ITIH3: variants seen among roughly 807,000 people sequenced by gnomAD.
ITIH3 encodes inter-alpha-trypsin inhibitor heavy chain 3.
A neutral mutation model predicts 96.5 loss-of-function variants in ITIH3; 81 were observed. The observed-to-expected ratio is 0.84, with a 90% CI of 0.70 to 1.01. ITIH3 has a LOEUF of 1.01. Ranked by LOEUF, ITIH3 falls within the 50% of genes least tolerant of loss-of-function variation. ITIH3 has a pLI of 0.00. For missense variants in ITIH3, 1,057 were observed against 1,139.3 expected, an observed-to-expected ratio of 0.93 and a Z score of 1.04; for synonymous variants, 422 against 445.2, an observed-to-expected ratio of 0.95 and a Z score of 0.66.
At chr3:52,804,866 C>A in intron 15 of ITIH3, 132 bp downstream of exon 15, 1 of 975,564 alleles carries the variant, frequency 1.0e-6, no homozygotes. Context: ...CAGGCCCAGC[C>A]CTATTGCCAA....
intron 2 of ITIH3, 147 bp downstream of exon 2, chr3:52,795,770 C>T (rs1284639083): frequency 5.6e-6 from 4 of 713,522 alleles, no homozygotes; most frequent in African/African-American, 1.8e-5. Flanking sequence ...CCTCCAACAG[C>T]GCAGGACTCC....
chr3:52,799,677 G>A, intron 8 of ITIH3, 76 bp from the exon 9 acceptor site: 1 of 1,439,980 alleles, frequency 6.9e-7, no homozygotes, highest in Admixed American at 2.1e-5. Flanking sequence ...GATGGCGTGG[G>A]CTGCACCGCC....
chr3:52,797,787 A>T, intron 5 of ITIH3, 30 bp from the exon 6 acceptor site: 1 of 1,432,956 alleles, frequency 7.0e-7, no homozygotes, highest in African/African-American at 1.4e-5. Flanking sequence ...GAGGTCACTG[A>T]GTGACATTTC....
intron 19 of ITIH3, 110 bp from the exon 20 acceptor site, chr3:52,807,636 TG>T: frequency 1.0e-6 from 1 of 957,026 alleles, no homozygotes; most frequent in Non-Finnish European, 1.6e-6. Context: ...CTGGAGTCTG[TG>T]GGCCCTCGGG....
chr3:52,806,911 T>C lies in ITIH3; in HGVS notation c.2067T>C (p.Val689=). 6.3e-7 allele frequency: 1 copy of C among 1,584,664 alleles called. No homozygotes were observed. Among genetic ancestry groups the C allele is most frequent in the Non-Finnish European group, 8.6e-7 (1 of 1,165,306 alleles). ...LIQDAVTGLT[V]NGQITGDKRG... ...CCATCCCTCTGGCAGGCCTCACAGT[T>C]AATGGGCAGATCACTGGCGACAAGA... Residue 689 remains valine (V), a synonymous_variant, in exon 19 of 22, where the codon GTT becomes GTC. Coordinates refer to ENST00000449956, the MANE Select transcript of ITIH3 (RefSeq NM_002217.4).
At chr3:52,799,288 A>C in intron 7 of ITIH3, 84 bp from the exon 8 acceptor site, 1 of 1,231,398 alleles carries the variant, frequency 8.1e-7, no homozygotes, top group East Asian at 2.5e-5. Flanking sequence ...TTGGGCTGGT[A>C]AATGTCTGGC....
At chr3:52,795,306 T>C (rs560091671) in intron 1 of ITIH3, among the ~76,000 whole-genome samples, 1 of 151,930 alleles carries the variant, frequency 6.6e-6, no homozygotes, top group Non-Finnish European at 1.5e-5. Context: ...GAATGGGAGA[T>C]AGAATGAGGT....
At chr3:52,807,988 T>A in intron 20 of ITIH3, 72 bp downstream of exon 20, 1 of 1,575,022 alleles carries the variant, frequency 6.3e-7, no homozygotes, top group Non-Finnish European at 8.7e-7. Context: ...AAGGCCTTCC[T>A]AGGCACCCTG....
rs4687655 is a variant in ITIH3, at chr3:52,802,302, G to C, written c.1384-32G>C. 5 of 1,610,096 alleles carry C rather than the reference G, an allele frequency of 3.1e-6. No homozygotes were observed. In the African/African-American group the frequency reaches 4.0e-5, roughly 13 times the overall value. ...AGCATCAGTGGGAGCCTGACCTGGG[G>C]CTTGAGATGACTGGCCCCGTGCGAA... On this transcript the variant is annotated intron_variant, in intron 11 of 21. Transcript: ENST00000449956.
At position 52,806,306 on chromosome 3, in the gene ITIH3, C is replaced by T; in HGVS notation, c.1956C>T (p.Pro652=). 6.2e-7 allele frequency: 1 copy of T among 1,613,792 alleles called. No individual in the cohort carries two copies. The highest frequency in any genetic ancestry group is 1.6e-4 in the Middle Eastern group (1 of 6,062). ...ATGTGTCACCAGTGGACGGGGATCC[C>T]CACTTCATCATCCAAATTCCGGAGA... The part of the protein sequence containing the change: ...QNPYYYVDGD[P]HFIIQIPEKD... The change falls in exon 18 of 22, where the codon CCC becomes CCT. Residue 652 remains proline (P), a synonymous_variant. Transcript: ENST00000449956.
At chr3:52,796,357 G>A (rs1377356545) in intron 2 of ITIH3, 124 bp from the exon 3 acceptor site, 3 of 761,540 alleles carry the variant, frequency 3.9e-6, no homozygotes, top group African/African-American at 1.8e-5. Flanking sequence ...AGACCTGGAG[G>A]ATGAGGGTTG....
At chr3:52,795,765 A>T (rs1444786290) in intron 2 of ITIH3, 142 bp downstream of exon 2, 6 of 759,046 alleles carry the variant, frequency 7.9e-6, no homozygotes, top group Middle Eastern at 3.1e-4. Context: ...GGCAGCCTCC[A>T]ACAGCGCAGG....
At chr3:52,804,532 C>T in intron 14 of ITIH3, 194 bp from the exon 15 acceptor site, 1 of 592,432 alleles carries the variant, frequency 1.7e-6, no homozygotes, top group South Asian at 2.0e-5. Flanking sequence ...AGGCAAAGAG[C>T]TGGGCCTGGC....
chr3:52,799,396 T>C lies in ITIH3; in HGVS notation c.814T>C (p.Phe272Leu). Residue 272 changes from phenylalanine (F) to leucine (L), a missense_variant, in exon 8 of 22, where the codon TTC becomes CTC. By Grantham distance (22) the Phe-to-Leu change is conservative. Coordinates refer to ENST00000449956, the MANE Select transcript of ITIH3 (RefSeq NM_002217.4). Reference protein sequence around the residue: ...VQIVNGYFVHFFAPQGLPVVP... With the variant: ...VQIVNGYFVHLFAPQGLPVVP... The stretch of plus-strand genomic sequence containing the variant: ...GATAGTCAATGGCTACTTCGTGCAC[T>C]TCTTTGCACCTCAAGGCCTTCCAGT... 1 of 1,605,742 alleles carries C rather than the reference T, an allele frequency of 6.2e-7. No homozygotes were observed.
intron 10 of ITIH3, 87 bp from the exon 11 acceptor site, chr3:52,800,878 G>A (rs539298702): frequency 5.2e-6 from 8 of 1,546,728 alleles, no homozygotes; most frequent in South Asian, 3.6e-5. Flanking sequence ...AACTCTGCAT[G>A]TGCAGGAGTC....
intron 10 of ITIH3, 62 bp from the exon 11 acceptor site, chr3:52,800,903 A>G: frequency 6.3e-7 from 1 of 1,595,824 alleles, no homozygotes; most frequent in South Asian, 1.1e-5. Context: ...CTCCCCAGAC[A>G]GAGCTGGTCT....
At chr3:52,805,399 A>G in intron 15 of ITIH3, 1 of 1,047,188 alleles carries the variant, frequency 9.5e-7, no homozygotes, top group Non-Finnish European at 1.2e-6. Context: ...ATGTGCACGC[A>G]TATGTGTGCG....
rs552131307 is a variant in ITIH3, at chr3:52,803,799, G to A, written c.1710-56G>A. The A allele has an allele frequency of 4.4e-6, 7 of 1,594,320 alleles. No individual in the cohort carries two copies. In the East Asian group the frequency reaches 1.6e-4, roughly 36 times the overall value. ...CTGTGTCCACTGCTCCAGTGCAGGG[G>A]AAGTGGGCAGGGTGCTGCTCTCCAG... On this transcript the variant is annotated intron_variant, in intron 13 of 21. Transcript: ENST00000449956.
intron 17 of ITIH3, 51 bp from the exon 18 acceptor site, chr3:52,806,242 A>T (rs1578762407): frequency 6.3e-7 from 1 of 1,597,696 alleles, no homozygotes; most frequent in East Asian, 2.2e-5. Context: ...GGGAGGCCCC[A>T]GGTATGATGA....
Sources: allele counts gnomAD v4.1 joint callset (sites outside exome capture counted in the v4.1 genomes callset), GRCh38; gene constraint gnomAD v4.1.1; transcripts MANE v1.5; gene names NCBI Gene and HGNC (gene_info 2026-07-23, HGNC 2026-07-21).